The following TRIO variants were observed in gnomAD, a reference collection of about 807,000 sequenced individuals.
TRIO encodes trio Rho guanine nucleotide exchange factor, also known as triple functional domain protein.
A neutral mutation model predicts 351.9 loss-of-function variants in TRIO; 58 were observed. The observed-to-expected ratio is 0.16, with a 90% CI of 0.13 to 0.21. The LOEUF (loss-of-function observed/expected upper bound fraction) is 0.21, where lower values mean the gene tolerates loss of function less well. Among genes scored for constraint, TRIO ranks in the 10% least tolerant of loss-of-function variants. The pLI is 1.00. For synonymous variants in TRIO, 1,758 were observed against 1,595.7 expected, an observed-to-expected ratio of 1.10 and a Z score of -2.42; for missense variants, 3,201 against 4,027.8, an observed-to-expected ratio of 0.79 and a Z score of 5.56.
intron 1 of TRIO, among the ~76,000 whole-genome samples, chr5:14,213,033 G>A (rs1792003711): frequency 6.6e-6 from 1 of 152,178 alleles, no homozygotes; most frequent in Non-Finnish European, 1.5e-5. Context: ...CACGGACAAA[G>A]TACACTAGGG....
At chr5:14,232,639 TACAC>T (rs1404589300) in intron 1 of TRIO, among the ~76,000 whole-genome samples, 2 of 152,208 alleles carry the variant, frequency 1.3e-5, no homozygotes, top group African/African-American at 4.8e-5. Flanking sequence ...TTATGCTAAA[TACAC>T]ACAGAGTAGA....
At chr5:14,396,858 C>T (rs1747644835) in intron 28 of TRIO, among the ~76,000 whole-genome samples, 185 bp from the exon 29 acceptor site, 1 of 152,250 alleles carries the variant, frequency 6.6e-6, no homozygotes, top group East Asian at 1.9e-4. Flanking sequence ...CTGATTAGAA[C>T]AGGACAAACC....
chr5:14,387,358 G>C, intron 21 of TRIO, 80 bp from the exon 22 acceptor site: 1 of 1,428,724 alleles, frequency 7.0e-7, no homozygotes. Flanking sequence ...CTCAGAGTTG[G>C]AGTCAAGTCG....
At chr5:14,434,800 C>T (rs1751455043) in intron 34 of TRIO, among the ~76,000 whole-genome samples, 1 of 152,232 alleles carries the variant, frequency 6.6e-6, no homozygotes, top group Admixed American at 6.5e-5. Context: ...ATTACTTTTG[C>T]ACCGACTTAA....
chr5:14,360,498 G>A (rs1744050927), intron 13 of TRIO, among the ~76,000 whole-genome samples: 1 of 152,186 alleles, frequency 6.6e-6, no homozygotes, highest in African/African-American at 2.4e-5. Flanking sequence ...TGCCCTGTGG[G>A]TCCTCTGTGA....
chr5:14,291,554 C>T (rs543613762), intron 5 of TRIO, among the ~76,000 whole-genome samples: 51 of 151,530 alleles, frequency 3.4e-4, no homozygotes, highest in African/African-American at 1.1e-3. Context: ...TTTGGGAGGC[C>T]GAGGTGGGCT....
chr5:14,280,187 G>C, intron 2 of TRIO, 135 bp from the exon 3 acceptor site: 1 of 745,960 alleles, frequency 1.3e-6, no homozygotes, highest in East Asian at 2.7e-5. Context: ...CTGTGCCTCA[G>C]CTGAAACAAG....
chr5:14,446,135 G>GCCCT (rs1164349895), intron 34 of TRIO, among the ~76,000 whole-genome samples: 4 of 152,160 alleles, frequency 2.6e-5, no homozygotes, highest in East Asian at 1.9e-4. Flanking sequence ...AATAACTCCA[G>GCCCT]CCCTCCCTCC....
chr5:14,214,351 T>TTGTC (rs2152198753), intron 1 of TRIO, among the ~76,000 whole-genome samples: 1 of 152,232 alleles, frequency 6.6e-6, no homozygotes, highest in Admixed American at 6.5e-5. Flanking sequence ...ATTCCTCTCT[T>TTGTC]CACAGGCAGA....
chr5:14,374,413 G>A lies in TRIO; in HGVS notation c.3331+70G>A, dbSNP rs899609960. On this transcript the variant is annotated intron_variant, in intron 19 of 56. Coordinates refer to ENST00000344204, the MANE Select transcript of TRIO (RefSeq NM_007118.4). Reference sequence around the variant, plus strand: ...GGCAAGAGACAAAAGGAGCCTGCACGTTGTGTTCTGAACTCTCAACTTCAG... The same window carrying A: ...GGCAAGAGACAAAAGGAGCCTGCACATTGTGTTCTGAACTCTCAACTTCAG... 2.1e-5 allele frequency: 25 copies of A among 1,177,990 alleles called. No individual in the cohort carries two copies. The Admixed American group carries it at 2.5e-4, about 12-fold the overall frequency. The allele number at this position is 1,177,990 out of a possible 1,614,324, so 73.0% of individuals were successfully genotyped here.
intron 1 of TRIO, among the ~76,000 whole-genome samples, chr5:14,159,418 T>C (rs1252139289): frequency 6.6e-6 from 1 of 152,124 alleles, no homozygotes; most frequent in Non-Finnish European, 1.5e-5. Context: ...GCTGAAAAAG[T>C]GGAAACTGAT....
chr5:14,143,647 G>T lies in TRIO; in HGVS notation c.-79G>T, dbSNP rs1006399188. 7.4e-6 allele frequency: 5 copies of T among 672,364 alleles called. No individual in the cohort carries two copies. Among genetic ancestry groups the T allele is most frequent in the African/African-American group, 4.0e-5 (2 of 50,528 alleles). The allele number at this position is 672,364 out of a possible 1,614,324, so 41.6% of individuals were successfully genotyped here. A position where few individuals can be genotyped will look rare whatever the true frequency, so the allele number is the denominator to read the frequency against. ...GCAGCTGGGTGCTCGGCGCCGCCAG[G>T]CCCGGCGCGGAGCGGGCGGCACGCG... On this transcript the variant is annotated 5_prime_UTR_variant, in exon 1 of 57. Coordinates refer to ENST00000344204, the MANE Select transcript of TRIO (RefSeq NM_007118.4).
chr5:14,281,290 C>T (rs1735969666), intron 3 of TRIO, among the ~76,000 whole-genome samples: 1 of 152,082 alleles, frequency 6.6e-6, no homozygotes, highest in Non-Finnish European at 1.5e-5. Flanking sequence ...GGGAAGCAGG[C>T]ACATCCTCAC....
intron 1 of TRIO, among the ~76,000 whole-genome samples, chr5:14,217,404 G>T (rs1014417619): frequency 6.6e-6 from 1 of 152,182 alleles, no homozygotes; most frequent in African/African-American, 2.4e-5. Context: ...GTCCCCAGGA[G>T]AGTGAGAGTT....
At chr5:14,307,360 A>G (rs1359730091) in intron 8 of TRIO, among the ~76,000 whole-genome samples, 1 of 152,292 alleles carries the variant, frequency 6.6e-6, no homozygotes, top group East Asian at 1.9e-4. Context: ...CGCTACATTT[A>G]ATTGCCATGT....
At chr5:14,192,662 AAC>A (rs1790528583) in intron 1 of TRIO, among the ~76,000 whole-genome samples, 2 of 152,254 alleles carry the variant, frequency 1.3e-5, no homozygotes, top group South Asian at 4.1e-4. Flanking sequence ...AATGTCTTTG[AAC>A]ATTTACAGGT....
intron 1 of TRIO, among the ~76,000 whole-genome samples, chr5:14,236,536 A>G (rs2152228787): frequency 6.6e-6 from 1 of 152,324 alleles, no homozygotes; most frequent in African/African-American, 2.4e-5. Context: ...ACTATTGTAT[A>G]TACCAAAACT....
chr5:14,336,790 G>A, intron 11 of TRIO, 63 bp downstream of exon 11: 1 of 1,564,802 alleles, frequency 6.4e-7, no homozygotes, highest in Admixed American at 1.7e-5. Flanking sequence ...TCTTTTGGAG[G>A]AACCTAAATT....
chr5:14,291,131 A>G lies in TRIO; in HGVS notation c.956A>G (p.His319Arg). ...GTGTCCACCATGCTGGACCGGCTGC[A>G]CTCGACACGGCAGCATCTGCACCAG... ...PKVSTMLDRLHSTRQHLHQMW... is the reference protein window; with the variant it reads ...PKVSTMLDRLRSTRQHLHQMW... The change falls in exon 5 of 57, where the codon CAC (histidine) becomes CGC (arginine). Residue 319 changes from histidine (H) to arginine (R), a missense_variant. This residue lies in a region of TRIO where 349 missense variants were observed against 449.3 expected (regional missense o/e 0.78). Transcript: ENST00000344204. The G allele has an allele frequency of 6.2e-7, 1 of 1,614,168 alleles. No homozygotes were observed. Among genetic ancestry groups the G allele is most frequent in the Non-Finnish European group, 8.5e-7 (1 of 1,180,030 alleles).
Sources: allele counts gnomAD v4.1 joint callset (sites outside exome capture counted in the v4.1 genomes callset), GRCh38; gene constraint gnomAD v4.1.1; regional missense constraint gnomAD v4.1.1; transcripts MANE v1.5; gene names NCBI Gene and HGNC (gene_info 2026-07-23, HGNC 2026-07-21).